EBF3: variants seen among roughly 807,000 people sequenced by gnomAD.
EBF3 encodes the protein transcription factor COE3.
EBF3 carries 18 observed loss-of-function variants against 77.1 expected under a neutral mutation model. The observed-to-expected ratio is 0.23, with a 90% CI of 0.16 to 0.35. EBF3 has a LOEUF of 0.35. Ranked by LOEUF, EBF3 falls within the 10% of genes least tolerant of loss-of-function variation. The pLI is 1.00. For synonymous variants in EBF3, 350 were observed against 343.5 expected (o/e 1.02, Z -0.21); for missense variants, 558 against 860.0 (o/e 0.65, Z 4.39).
chr10:129,873,708 G>T, intron 7 of EBF3, 112 bp from the exon 8 acceptor site: 1 of 1,172,410 alleles, frequency 8.5e-7, no homozygotes, highest in Non-Finnish European at 1.1e-6. Flanking sequence ...AATTTCACGT[G>T]TTCCTGGACA....
rs575743835 is a variant in EBF3 at position 129,842,153 on chromosome 10, G to A, written c.1335C>T (p.Ala445=). 6.1e-5 allele frequency: 98 copies of A among 1,614,240 alleles called. No individual in the cohort carries two copies. The Middle Eastern group carries it at 6.6e-4, about 11-fold the overall frequency. Residue 445 remains alanine (A), a synonymous_variant, in exon 13 of 17, where the codon GCC becomes GCT. Transcript: ENST00000440978. The surrounding 1 kb of genome is among the most constrained non-coding windows in gnomAD (Gnocchi z 4.4). ...MGVNSFSSQL[A]VNVSETSQAN... Reference sequence around the variant, plus strand: ...CTTGTGACGTCTCTGACACGTTGACGGCTAGCTGGCTGCTGAAGGAGTTGA... The same window carrying A: ...CTTGTGACGTCTCTGACACGTTGACAGCTAGCTGGCTGCTGAAGGAGTTGA...
chr10:129,931,417 G>A (rs1378808073), intron 6 of EBF3, among the ~76,000 whole-genome samples: 1 of 152,186 alleles, frequency 6.6e-6, no homozygotes, highest in Non-Finnish European at 1.5e-5. Flanking sequence ...TGCCATGCAC[G>A]CTGAGGATCC....
chr10:129,888,220 T>C (rs1016971956), intron 6 of EBF3, among the ~76,000 whole-genome samples: 8 of 152,182 alleles, frequency 5.3e-5, no homozygotes, highest in African/African-American at 1.9e-4. Context: ...TGGCTCTTCC[T>C]CCGCCTTCTG....
At chr10:129,857,125 T>C (rs1450070868) in intron 10 of EBF3, among the ~76,000 whole-genome samples, 2 of 152,210 alleles carry the variant, frequency 1.3e-5, no homozygotes, top group Admixed American at 1.3e-4. Flanking sequence ...GGAGGCATTT[T>C]TAACTCCTGG....
intron 6 of EBF3, among the ~76,000 whole-genome samples, chr10:129,909,330 G>C (rs1855358023): frequency 6.6e-6 from 1 of 152,204 alleles, no homozygotes; most frequent in African/African-American, 2.4e-5. Context: ...ATTCACACCA[G>C]CAGCTCCTTC....
chr10:129,873,661 A>C, intron 7 of EBF3, 65 bp from the exon 8 acceptor site: 3 of 1,422,600 alleles, frequency 2.1e-6, no homozygotes, highest in Non-Finnish European at 2.8e-6. Flanking sequence ...CTGTTAGGCA[A>C]AATACAAGCC....
chr10:129,953,614 G>A (rs926971499), intron 6 of EBF3, among the ~76,000 whole-genome samples: 4 of 152,178 alleles, frequency 2.6e-5, no homozygotes, highest in East Asian at 1.9e-4. Flanking sequence ...ATCTGGAACC[G>A]CCCCGCCGAG....
At chr10:129,954,324 A>G (rs1428215045) in intron 6 of EBF3, among the ~76,000 whole-genome samples, 1 of 152,174 alleles carries the variant, frequency 6.6e-6, no homozygotes, top group Non-Finnish European at 1.5e-5. Context: ...TTGTTCCTCT[A>G]GCAATGTTTT....
At chr10:129,931,155 C>T (rs533316095) in intron 6 of EBF3, among the ~76,000 whole-genome samples, 1 of 152,250 alleles carries the variant, frequency 6.6e-6, no homozygotes, top group South Asian at 2.1e-4. Context: ...CTCTATATCT[C>T]CTATTGGTTC....
Position 129,848,246 on chromosome 10 carries a change from G to C in EBF3, c.1128+146C>G. ...AGCTGGTCAGGTGCGGGCCCGGGCA[G>C]CTCCTCACACCTGTCGGCCCTGTGG... On this transcript the variant is annotated intron_variant, in intron 11 of 16. Coordinates refer to ENST00000440978, the MANE Select transcript of EBF3 (RefSeq NM_001375380.1). This position sits in a 1 kb window ranked among gnomAD's most constrained non-coding sequence, Gnocchi z 4.4. The C allele has an allele frequency of 1.2e-6, 1 of 827,606 alleles. No homozygotes were observed. The highest frequency in any genetic ancestry group is 1.5e-5 in the South Asian group (1 of 66,148). The allele number at this position is 827,606 out of a possible 1,614,324, so 51.3% of individuals were successfully genotyped here. A position where few individuals can be genotyped will look rare whatever the true frequency, so the allele number is the denominator to read the frequency against.
chr10:129,874,096 C>G (rs1304417107), intron 7 of EBF3, among the ~76,000 whole-genome samples: 7 of 152,176 alleles, frequency 4.6e-5, no homozygotes. Flanking sequence ...TATCAGGAAA[C>G]GATCCCTGGG....
chr10:129,912,298 C>A (rs922694777), intron 6 of EBF3, among the ~76,000 whole-genome samples: 1 of 152,188 alleles, frequency 6.6e-6, no homozygotes, highest in African/African-American at 2.4e-5. Context: ...TACACCGGGC[C>A]TTTACATCCT....
At chr10:129,838,077 A>T in intron 16 of EBF3, 117 bp from the exon 17 acceptor site, 1 of 1,261,950 alleles carries the variant, frequency 7.9e-7, no homozygotes, top group East Asian at 2.4e-5. Flanking sequence ...GGTCTTGCAC[A>T]GTTCCGTCCA....
chr10:129,868,704 A>C (rs1354075902), intron 8 of EBF3, among the ~76,000 whole-genome samples: 1 of 152,240 alleles, frequency 6.6e-6, no homozygotes, highest in East Asian at 1.9e-4. Context: ...CAGGAGTCCC[A>C]GCACGGTGCC....
In EBF3 at chr10:129,848,834, G is replaced by A. The variant is rs1180352367; in HGVS notation, c.1040-354C>T. On this transcript the variant is annotated intron_variant, in intron 10 of 16. Transcript: ENST00000440978. This position sits in a 1 kb window ranked among gnomAD's most constrained non-coding sequence, Gnocchi z 4.4. ...CACGGTGCCTTCCACACTGGCCAGG[G>A]ATTTATGGGAAACTGGCAATTATGA... Among the ~76,000 whole-genome samples, 2 of 152,208 alleles carry A rather than the reference G, an allele frequency of 1.3e-5. No individual in the cohort carries two copies. Among genetic ancestry groups the A allele is most frequent in the Non-Finnish European group, 2.9e-5 (2 of 68,044 alleles).
intron 6 of EBF3, among the ~76,000 whole-genome samples, chr10:129,918,341 A>C (rs575384163): frequency 1.3e-5 from 2 of 152,344 alleles, no homozygotes; most frequent in African/African-American, 4.8e-5. Flanking sequence ...ATTTCACTGA[A>C]GAAGAAACTG....
intron 10 of EBF3, among the ~76,000 whole-genome samples, chr10:129,866,880 C>A (rs1459595233): frequency 1.3e-5 from 2 of 152,226 alleles, no homozygotes; most frequent in Non-Finnish European, 2.9e-5. Flanking sequence ...ACTTTGTTTA[C>A]AGGTGAGAAG....
At position 129,958,997 on chromosome 10, in the gene EBF3, T is replaced by C. The variant is rs1057519519; in HGVS notation, c.422A>G (p.Tyr141Cys). 1 of 1,598,878 alleles carries C rather than the reference T, an allele frequency of 6.3e-7. No individual in the cohort carries two copies. Among genetic ancestry groups the C allele is most frequent in the Non-Finnish European group, 8.5e-7 (1 of 1,174,028 alleles). ...IDSMTKQAIV[Y>C]EGQDKNPEMC... The stretch of plus-strand genomic sequence containing the variant: ...CTCCGGGTTCTTGTCCTGGCCCTCG[T>C]AGACGATGGCCTGCGCGAGGGACAA... Residue 141 changes from tyrosine (Y) to cysteine (C), a missense_variant, in exon 5 of 17, where the codon TAC (tyrosine) becomes TGC (cysteine). Transcript: ENST00000440978.
At chr10:129,857,248 A>G (rs1269414390) in intron 10 of EBF3, among the ~76,000 whole-genome samples, 1 of 152,214 alleles carries the variant, frequency 6.6e-6, no homozygotes, top group Non-Finnish European at 1.5e-5. Context: ...CCTTGAACAC[A>G]GCATGCTGGA....
Sources: gnomAD v4.1 joint callset for allele counts (sites outside exome capture counted in the v4.1 genomes callset) on GRCh38, gnomAD v4.1.1 for gene constraint, Gnocchi (gnomAD v3.1) non-coding constraint, MANE v1.5 for transcripts, NCBI Gene and HGNC (gene_info 2026-07-23, HGNC 2026-07-21) for gene names.